Variants in ACVR1 observed in about 807,000 individuals in gnomAD.
The protein encoded by ACVR1 is activin A receptor type 1, also known as activin receptor type-1.
In ACVR1, 38 loss-of-function variants were observed where a neutral mutation model predicts 57.1. The observed-to-expected ratio is 0.67, with a 90% CI of 0.51 to 0.87. The LOEUF (loss-of-function observed/expected upper bound fraction) is 0.87. Among genes scored for constraint, ACVR1 ranks in the 40% least tolerant of loss-of-function variants. The pLI is 0.00. For missense variants in ACVR1, 463 were observed against 638.2 expected (o/e 0.73, Z 2.96); for synonymous variants, 212 against 228.1 (o/e 0.93, Z 0.63).
At chr2:157,868,188 A>G (rs1183783901) in intron 1 of ACVR1, among the ~76,000 whole-genome samples, 1 of 152,070 alleles carries the variant, frequency 6.6e-6, no homozygotes, top group Non-Finnish European at 1.5e-5. Flanking sequence ...ACTAGTGATT[A>G]AAAATATGTG....
At chr2:157,825,593 G>C (rs1688316203) in intron 1 of ACVR1, among the ~76,000 whole-genome samples, 1 of 152,172 alleles carries the variant, frequency 6.6e-6, no homozygotes, top group Non-Finnish European at 1.5e-5. Flanking sequence ...CACATGTGGG[G>C]AATCTAGGTT....
At chr2:157,797,227 A>G (rs1687156819) in intron 3 of ACVR1, among the ~76,000 whole-genome samples, 1 of 152,236 alleles carries the variant, frequency 6.6e-6, no homozygotes, top group Admixed American at 6.5e-5. Context: ...TGAGAAGGAG[A>G]TAGGAACAGA....
chr2:157,778,287 G>C lies in ACVR1; in HGVS notation c.387C>G (p.Leu129=). The stretch of plus-strand genomic sequence containing the variant: ...AAAGACATACTGCGAACACTACAGA[G>C]AGAATAATGAGGCCAACCTCCAAGT... ...NFHLEVGLII[L]SVVFAVCLLA... Residue 129 remains leucine, a synonymous_variant, in exon 5 of 11, where the codon CTC becomes CTG. Transcript: ENST00000434821. The C allele has an allele frequency of 6.2e-7, 1 of 1,614,088 alleles. No homozygotes were observed.
At chr2:157,839,767 C>T (rs1688916394) in intron 1 of ACVR1, among the ~76,000 whole-genome samples, 1 of 152,302 alleles carries the variant, frequency 6.6e-6, no homozygotes, top group Non-Finnish European at 1.5e-5. Context: ...AGAAACCACA[C>T]AAGAACTTAG....
intron 1 of ACVR1, among the ~76,000 whole-genome samples, chr2:157,821,927 A>G (rs1417218324): frequency 6.6e-6 from 1 of 152,252 alleles, no homozygotes; most frequent in Admixed American, 6.5e-5. Context: ...AAAAGCACTT[A>G]AAATCAAACA....
At chr2:157,867,480 G>C (rs1433157678) in intron 1 of ACVR1, among the ~76,000 whole-genome samples, 2 of 152,170 alleles carry the variant, frequency 1.3e-5, no homozygotes, top group Non-Finnish European at 2.9e-5. Flanking sequence ...GTGTCTGGGA[G>C]AAAACAGGAT....
chr2:157,827,845 G>A (rs568421759), intron 1 of ACVR1, among the ~76,000 whole-genome samples: 4 of 152,242 alleles, frequency 2.6e-5, no homozygotes, highest in African/African-American at 9.6e-5. Context: ...ACACTCAGAA[G>A]TCACTAACCC....
At chr2:157,742,642 C>A (rs1407050297) in intron 9 of ACVR1, among the ~76,000 whole-genome samples, 1 of 152,110 alleles carries the variant, frequency 6.6e-6, no homozygotes, top group Admixed American at 6.5e-5. Context: ...TCTGAGTAAA[C>A]CCCTTAGCTG....
At chr2:157,825,800 A>G (rs1031618113) in intron 1 of ACVR1, among the ~76,000 whole-genome samples, 3 of 152,234 alleles carry the variant, frequency 2.0e-5, no homozygotes, top group East Asian at 1.9e-4. Flanking sequence ...TCAGCGAAGA[A>G]TCAGAGCATC....
At chr2:157,790,761 T>A (rs1415090203) in intron 3 of ACVR1, among the ~76,000 whole-genome samples, 1 of 152,148 alleles carries the variant, frequency 6.6e-6, no homozygotes, top group Non-Finnish European at 1.5e-5. Flanking sequence ...GGATTAGTTT[T>A]TCCCATCCCT....
intron 1 of ACVR1, among the ~76,000 whole-genome samples, chr2:157,824,063 C>T (rs1328995591): frequency 6.6e-6 from 1 of 152,114 alleles, no homozygotes; most frequent in Non-Finnish European, 1.5e-5. Context: ...ATGTTGTAAA[C>T]TCAATATTTA....
At chr2:157,779,104 C>T (rs899861912) in intron 4 of ACVR1, among the ~76,000 whole-genome samples, 2 of 152,092 alleles carry the variant, frequency 1.3e-5, no homozygotes, top group Admixed American at 1.3e-4. Flanking sequence ...TAACAAAATG[C>T]AACGCTGAAT....
intron 2 of ACVR1, among the ~76,000 whole-genome samples, chr2:157,805,635 T>C (rs902417638): frequency 1.3e-5 from 2 of 152,142 alleles, no homozygotes; most frequent in African/African-American, 2.4e-5. Flanking sequence ...TCTGGGAAGG[T>C]AGAAGAAACT....
At chr2:157,808,813 G>C (rs918710030) in intron 2 of ACVR1, among the ~76,000 whole-genome samples, 9 of 151,268 alleles carry the variant, frequency 5.9e-5, no homozygotes, top group African/African-American at 2.2e-4. Context: ...GGAAGTGTCA[G>C]GAGAAAAATA....
At chr2:157,869,790 A>G (rs1409754610) in intron 1 of ACVR1, among the ~76,000 whole-genome samples, 2 of 152,224 alleles carry the variant, frequency 1.3e-5, no homozygotes, top group Non-Finnish European at 2.9e-5. Context: ...CAAGATAAGC[A>G]TATGAAAACT....
chr2:157,826,101 A>G (rs535363440), intron 1 of ACVR1, among the ~76,000 whole-genome samples: 111 of 152,258 alleles, frequency 7.3e-4, no homozygotes, highest in Non-Finnish European at 7.5e-4. Flanking sequence ...TCAGCTCATG[A>G]TCTCAGGCAC....
At chr2:157,831,499 GA>G (rs1335324059) in intron 1 of ACVR1, among the ~76,000 whole-genome samples, 3 of 152,056 alleles carry the variant, frequency 2.0e-5, no homozygotes, top group African/African-American at 4.8e-5. Flanking sequence ...ATCTACCCGA[GA>G]AAAATCAAAA....
At chr2:157,867,143 A>G (rs1044800889) in intron 1 of ACVR1, among the ~76,000 whole-genome samples, 13 of 152,148 alleles carry the variant, frequency 8.5e-5, no homozygotes, top group African/African-American at 3.1e-4. Context: ...TTCTTTTAAG[A>G]GCAACACCAT....
intron 1 of ACVR1, among the ~76,000 whole-genome samples, chr2:157,873,253 C>T (rs935756917): frequency 1.3e-5 from 2 of 152,142 alleles, no homozygotes; most frequent in Non-Finnish European, 2.9e-5. Flanking sequence ...GTTCAAATCC[C>T]CATTCTACCA....
Sources: allele counts gnomAD v4.1 joint callset (sites outside exome capture counted in the v4.1 genomes callset), GRCh38; gene constraint gnomAD v4.1.1; transcripts MANE v1.5; gene names NCBI Gene and HGNC (gene_info 2026-07-23, HGNC 2026-07-21).